The following ZNF385D variants were observed in gnomAD, a reference collection of about 807,000 sequenced individuals.
The protein encoded by ZNF385D is zinc finger protein 659.
ZNF385D carries 15 observed loss-of-function variants against 35.8 expected under a neutral mutation model. The observed-to-expected ratio is 0.42, with a 90% confidence interval of 0.28 to 0.64. The LOEUF (loss-of-function observed/expected upper bound fraction) is 0.64. Among genes scored for constraint, ZNF385D ranks in the 30% least tolerant of loss-of-function variants. The probability of loss-of-function intolerance (pLI) is 0.23; values close to 1 mark genes in which losing one functional copy is unlikely to be tolerated. For missense variants in ZNF385D, 474 were observed against 494.6 expected (o/e 0.96, Z 0.39); for synonymous variants, 212 against 186.8 (o/e 1.13, Z -1.10).
chr3:21,572,367 A>G (rs978997605), intron 2 of ZNF385D, among the ~76,000 whole-genome samples: 1 of 152,198 alleles, frequency 6.6e-6, no homozygotes, highest in Non-Finnish European at 1.5e-5. Flanking sequence ...TATCCCAAGA[A>G]ACTTTCACTT....
chr3:22,305,354 C>A (rs1246447072), intron 2 of ZNF385D, among the ~76,000 whole-genome samples: 1 of 152,124 alleles, frequency 6.6e-6, no homozygotes, highest in Non-Finnish European at 1.5e-5. Flanking sequence ...CTCATCCTTG[C>A]ATGAATACTA....
rs142802004 is a variant in ZNF385D at position 22,210,625 on chromosome 3, C to G, written c.107-41590G>C. On this transcript the variant is annotated intron_variant, in intron 2 of 5. Transcript: ENST00000494108. ...TAGATAAATATAAAATCAATACAAA[C>G]AGGATGTTTCTGGCATTACATTTTT... Among the ~76,000 whole-genome samples the G allele has an allele frequency of 1.6e-3, 239 of 151,934 alleles. 2 individuals carry two copies. The highest frequency in any genetic ancestry group is 5.3e-3 in the African/African-American group (222 of 41,516).
At chr3:22,064,558 C>A (rs144557332) in intron 3 of ZNF385D, among the ~76,000 whole-genome samples, 1 of 152,232 alleles carries the variant, frequency 6.6e-6, no homozygotes, top group East Asian at 1.9e-4. Context: ...ATCAGATGAA[C>A]AGATAAAGAA....
At chr3:22,273,638 TAC>T (rs752029507) in intron 2 of ZNF385D, among the ~76,000 whole-genome samples, 51 of 151,984 alleles carry the variant, frequency 3.4e-4, no homozygotes, top group Non-Finnish European at 6.0e-4. Context: ...ATGATTCTCA[TAC>T]AGATATAAAA....
chr3:21,562,093 G>C (rs1167604860), intron 3 of ZNF385D: 1 of 152,030 alleles, frequency 6.6e-6, no homozygotes, highest in Non-Finnish European at 1.5e-5. Context: ...ATGCCACACA[G>C]ACCTGAAAGC....
intron 4 of ZNF385D, among the ~76,000 whole-genome samples, chr3:21,494,362 A>G (rs550878124): frequency 7.3e-4 from 111 of 152,272 alleles, no homozygotes; most frequent in Admixed American, 2.6e-3. Flanking sequence ...AAAGAATAGT[A>G]TTTACACCAA....
At chr3:22,356,769 A>G (rs567317120) in intron 2 of ZNF385D, among the ~76,000 whole-genome samples, 72 of 151,504 alleles carry the variant, frequency 4.8e-4, no homozygotes, top group Admixed American at 7.9e-4. Flanking sequence ...AAGTGATTAG[A>G]TAGACAGATG....
chr3:21,788,831 C>A (rs1480599438), intron 3 of ZNF385D, among the ~76,000 whole-genome samples: 4 of 152,102 alleles, frequency 2.6e-5, no homozygotes, highest in Admixed American at 2.6e-4. Context: ...TGTAGAAGTT[C>A]AGAAATGTCC....
At chr3:21,757,826 A>G (rs1337979850) in intron 3 of ZNF385D, among the ~76,000 whole-genome samples, 1 of 152,200 alleles carries the variant, frequency 6.6e-6, no homozygotes, top group African/African-American at 2.4e-5. Flanking sequence ...ACAACAGACT[A>G]GACATAAAGG....
rs1471177864 is a variant in ZNF385D at position 22,056,137 on chromosome 3, G to C, written c.325+112680C>G. Among the ~76,000 whole-genome samples the C allele has an allele frequency of 1.8e-4, 2 of 11,164 alleles. 1 individual carries two copies. The highest frequency in any genetic ancestry group is 3.3e-4 in the Non-Finnish European group (2 of 6,096). 7.3% of individuals were successfully genotyped at this position (11,164 alleles called of 152,430 possible). ...TGGGGACTGTGGTGGGGTCGGGGGA[G>C]GGGGGAGGGATAGCATTGGGAGATA... On this transcript the variant is annotated intron_variant, in intron 3 of 5. Coordinates refer to the ZNF385D transcript ENST00000494108.
intron 1 of ZNF385D, among the ~76,000 whole-genome samples, chr3:21,733,498 T>C (rs1445916354): frequency 6.6e-6 from 1 of 152,220 alleles, no homozygotes; most frequent in Non-Finnish European, 1.5e-5. Flanking sequence ...AAATTAGCCA[T>C]GTGTCTGACA....
intron 3 of ZNF385D, among the ~76,000 whole-genome samples, chr3:21,990,440 G>C (rs1188598422): frequency 6.6e-5 from 10 of 152,140 alleles, no homozygotes; most frequent in Non-Finnish European, 1.5e-5. Flanking sequence ...TATTGCCTGT[G>C]CCTTTATCAG....
At position 21,454,798 on chromosome 3, in the gene ZNF385D, T is replaced by C. The variant is rs190686308; in HGVS notation, c.440-17595A>G. 3.0e-4 allele frequency among the ~76,000 whole-genome samples: 45 copies of C among 152,278 alleles called. 1 individual carries two copies. In the East Asian group the frequency reaches 8.1e-3, roughly 27 times the overall value. On this transcript the variant is annotated intron_variant, in intron 4 of 7. Transcript: ENST00000281523. ...CAATTATGAAAAGAGGAAGTCAAATTGTCCCTGTTTGCAGATGACATGATT... is the reference window on the plus strand; with the variant it reads ...CAATTATGAAAAGAGGAAGTCAAATCGTCCCTGTTTGCAGATGACATGATT...
At chr3:21,702,601 C>T (rs927080918) in intron 1 of ZNF385D, among the ~76,000 whole-genome samples, 7 of 152,220 alleles carry the variant, frequency 4.6e-5, no homozygotes, top group African/African-American at 7.2e-5. Flanking sequence ...TTTTTCTTTT[C>T]GACTGCATCA....
intron 2 of ZNF385D, among the ~76,000 whole-genome samples, chr3:22,268,419 A>C (rs1701006019): frequency 6.6e-6 from 1 of 152,092 alleles, no homozygotes; most frequent in Admixed American, 6.6e-5. Flanking sequence ...CATGTTATTA[A>C]TTTTTTACTT....
In ZNF385D at chr3:22,314,669, C is replaced by T. The variant is rs377025672; in HGVS notation, c.106+57781G>A. Among the ~76,000 whole-genome samples, 6 of 152,100 alleles carry T rather than the reference C, an allele frequency of 3.9e-5. No homozygotes were observed. In the East Asian group the frequency reaches 9.7e-4, roughly 24 times the overall value. On this transcript the variant is annotated intron_variant, in intron 2 of 5. Coordinates refer to the ZNF385D transcript ENST00000494108. The stretch of plus-strand genomic sequence containing the variant: ...TTGTCATATTTAAGATTTTCTTTAC[C>T]CTTCAAGAACAAATTTCTACTTTCT...
At chr3:21,804,123 T>C (rs925764941) in intron 3 of ZNF385D, among the ~76,000 whole-genome samples, 1 of 152,234 alleles carries the variant, frequency 6.6e-6, no homozygotes, top group Non-Finnish European at 1.5e-5. Flanking sequence ...TAAAAGTGTG[T>C]AAATTTCTTG....
intron 1 of ZNF385D, among the ~76,000 whole-genome samples, chr3:21,749,381 C>T (rs1023075909): frequency 2.6e-5 from 4 of 152,270 alleles, no homozygotes; most frequent in East Asian, 3.9e-4. Context: ...TACTTCCTCA[C>T]GACGATCACA....
intron 3 of ZNF385D, among the ~76,000 whole-genome samples, chr3:21,874,558 T>C (rs895849137): frequency 6.6e-6 from 1 of 152,098 alleles, no homozygotes; most frequent in Non-Finnish European, 1.5e-5. Context: ...TTTCCACTGA[T>C]CCATGTGTCT....
Sources: allele counts gnomAD v4.1 joint callset (sites outside exome capture counted in the v4.1 genomes callset), GRCh38; gene constraint gnomAD v4.1.1; transcripts MANE v1.5; gene names NCBI Gene and HGNC (gene_info 2026-07-23, HGNC 2026-07-21).